LTBP1: variants seen among roughly 807,000 people sequenced by gnomAD.
LTBP1 encodes the protein latent transforming growth factor beta binding protein 1.
A neutral mutation model predicts 207.6 loss-of-function variants in LTBP1; 129 were observed. The ratio of observed to expected loss-of-function variants is 0.62; its 90% CI spans 0.54 to 0.72. LTBP1 has a LOEUF of 0.72. Among genes scored for constraint, LTBP1 ranks in the 30% least tolerant of loss-of-function variants. The probability of loss-of-function intolerance (pLI) is 0.00; values close to 1 mark genes in which losing one functional copy is unlikely to be tolerated. For missense variants in LTBP1, 2,281 were observed against 2,217.2 expected (o/e 1.03, Z -0.58); for synonymous variants, 963 against 833.7 (o/e 1.16, Z -2.67).
At chr2:33,200,573 C>T (rs549640158) in intron 7 of LTBP1, among the ~76,000 whole-genome samples, 1 of 152,000 alleles carries the variant, frequency 6.6e-6, no homozygotes, top group South Asian at 2.1e-4. Flanking sequence ...TGGGCAAGGA[C>T]TTCCTGTCTA....
chr2:33,061,563 T>C (rs759045501), intron 3 of LTBP1: 4 of 152,212 alleles, frequency 2.6e-5, no homozygotes, highest in Non-Finnish European at 4.4e-5. Flanking sequence ...TTATACAATG[T>C]GTACCCTTTT....
Position 33,318,775 on chromosome 2 carries a change from C to T in LTBP1, c.3730+3506C>T, listed in dbSNP as rs143536751. Reference sequence around the variant, plus strand: ...AGGAAACTTTTTCTTTCACTCAACTCGTTGTTTTATGGTCCATTTGATCAT... The same window carrying T: ...AGGAAACTTTTTCTTTCACTCAACTTGTTGTTTTATGGTCCATTTGATCAT... On this transcript the variant is annotated intron_variant, in intron 24 of 33. Transcript: ENST00000404816. Among the ~76,000 whole-genome samples the T allele has an allele frequency of 1.5e-4, 23 of 152,236 alleles. No individual in the cohort carries two copies. In the East Asian group the frequency reaches 3.9e-3, roughly 26 times the overall value.
intron 4 of LTBP1, among the ~76,000 whole-genome samples, chr2:33,121,803 G>GT (rs200083097): frequency 0.031 from 4,657 of 151,154 alleles, 225 homozygotes; most frequent in African/African-American, 0.099. Flanking sequence ...GGTCCAAAGA[G>GT]TTTTTTTTTG....
intron 3 of LTBP1, among the ~76,000 whole-genome samples, chr2:33,100,900 A>G (rs1413742315): frequency 6.6e-6 from 1 of 152,204 alleles, no homozygotes. Flanking sequence ...GGATTAGATA[A>G]TATTCCATTG....
chr2:33,163,655 G>GTT (rs1200954631), intron 5 of LTBP1, among the ~76,000 whole-genome samples: 2 of 152,240 alleles, frequency 1.3e-5, no homozygotes, highest in South Asian at 2.1e-4. Context: ...ATCATTGTGT[G>GTT]TTATATATAT....
chr2:33,370,446 C>T (rs994231179), intron 31 of LTBP1, among the ~76,000 whole-genome samples: 1 of 152,080 alleles, frequency 6.6e-6, no homozygotes, highest in East Asian at 1.9e-4. Context: ...TGGGGCGGGG[C>T]GCGAGACACA....
chr2:33,325,610 C>T (rs1363650571), intron 24 of LTBP1, among the ~76,000 whole-genome samples: 1 of 152,018 alleles, frequency 6.6e-6, no homozygotes, highest in African/African-American at 2.4e-5. Flanking sequence ...TATGTAAAGA[C>T]AAAGTAATAG....
intron 2 of LTBP1, among the ~76,000 whole-genome samples, chr2:32,958,080 C>T (rs191554106): frequency 6.3e-4 from 96 of 152,268 alleles, no homozygotes; most frequent in African/African-American, 1.9e-3. Flanking sequence ...CAGTATGGCT[C>T]AGTGGTTGGA....
intron 2 of LTBP1, among the ~76,000 whole-genome samples, chr2:32,953,060 C>T (rs1012116800): frequency 2.0e-5 from 3 of 152,246 alleles, no homozygotes; most frequent in African/African-American, 7.2e-5. Flanking sequence ...GACTTGTTCT[C>T]TCCTTAGAAA....
chr2:33,164,410 A>C (rs2084745199), intron 5 of LTBP1, among the ~76,000 whole-genome samples: 1 of 151,390 alleles, frequency 6.6e-6, no homozygotes, highest in African/African-American at 2.4e-5. Flanking sequence ...ACTATGAATA[A>C]ATCTGAAGTT....
chr2:32,962,643 C>T (rs920001488), intron 2 of LTBP1, among the ~76,000 whole-genome samples: 2 of 152,202 alleles, frequency 1.3e-5, no homozygotes, highest in Non-Finnish European at 2.9e-5. Context: ...TATATTACAA[C>T]AAATGTCCCT....
At position 33,360,624 on chromosome 2, in the gene LTBP1, A is replaced by C; in HGVS notation, c.4028A>C (p.Lys1343Thr). The C allele has an allele frequency of 1.2e-6, 2 of 1,613,726 alleles. No individual in the cohort carries two copies. Among genetic ancestry groups the C allele is most frequent in the Non-Finnish European group, 1.7e-6 (2 of 1,179,680 alleles). ...TDLDVDVDQPKEEKKECYYNL... is the reference protein window; with the variant it reads ...TDLDVDVDQPTEEKKECYYNL... ...TTAGATGTAGATGTAGATCAACCCA[A>C]AGAAGAAAAGAAAGAATGCTACTAT... The change falls in exon 27 of 34, where the codon AAA (lysine) becomes ACA (threonine). Residue 1343 changes from lysine to threonine, a missense_variant. Transcript: ENST00000404816.
intron 2 of LTBP1, among the ~76,000 whole-genome samples, chr2:32,982,766 C>T (rs1682961055): frequency 1.3e-5 from 2 of 152,176 alleles, no homozygotes; most frequent in Admixed American, 1.3e-4. Flanking sequence ...TGATGTTGAG[C>T]CTGTGGGTGC....
At chr2:33,145,401 C>G (rs1400825827) in intron 5 of LTBP1, among the ~76,000 whole-genome samples, 1 of 152,082 alleles carries the variant, frequency 6.6e-6, no homozygotes, top group Non-Finnish European at 1.5e-5. Context: ...AGAGATTCAG[C>G]CCAATTTTCA....
intron 20 of LTBP1, 43 bp downstream of exon 20, chr2:33,293,325 T>C: frequency 1.3e-6 from 2 of 1,570,980 alleles, no homozygotes; most frequent in Non-Finnish European, 1.7e-6. Context: ...TTAAACTTCA[T>C]TTAAATATAG....
intron 2 of LTBP1, among the ~76,000 whole-genome samples, chr2:32,959,621 A>ATTTTT (rs397972038): frequency 8.2e-5 from 3 of 36,666 alleles, no homozygotes; most frequent in African/African-American, 1.9e-4. Flanking sequence ...ATATATATAT[A>ATTTTT]TTTTTTTTTT....
At chr2:33,257,613 C>G (rs990462534) in intron 12 of LTBP1, 102 bp downstream of exon 12, 1 of 936,698 alleles carries the variant, frequency 1.1e-6, no homozygotes, top group Non-Finnish European at 1.6e-6. Flanking sequence ...TCAGCCTAAG[C>G]ACTATTGGCA....
At chr2:33,060,788 G>T (rs970925149) in intron 3 of LTBP1, among the ~76,000 whole-genome samples, 2 of 151,874 alleles carry the variant, frequency 1.3e-5, no homozygotes, top group Non-Finnish European at 2.9e-5. Context: ...AGGGCCACTG[G>T]TTTTCAAACA....
intron 25 of LTBP1, among the ~76,000 whole-genome samples, chr2:33,346,365 G>A (rs1317079747): frequency 6.6e-6 from 1 of 152,200 alleles, no homozygotes; most frequent in African/African-American, 2.4e-5. Context: ...TGAAGTGTCA[G>A]TGATTCTAAC....
Sources: allele counts gnomAD v4.1 joint callset (sites outside exome capture counted in the v4.1 genomes callset), GRCh38; gene constraint gnomAD v4.1.1; transcripts MANE v1.5; gene names NCBI Gene and HGNC (gene_info 2026-07-23, HGNC 2026-07-21).